Variants in FOXP1 observed in about 807,000 individuals in gnomAD.
The protein encoded by FOXP1 is forkhead box P1, also known as forkhead box protein P1.
FOXP1 carries 15 observed loss-of-function variants against 98.2 expected under a neutral mutation model. The observed-to-expected ratio is 0.15, with a 90% CI of 0.10 to 0.24. The LOEUF (loss-of-function observed/expected upper bound fraction) is 0.24. Among genes scored for constraint, FOXP1 ranks in the 10% least tolerant of loss-of-function variants. The probability of loss-of-function intolerance (pLI) is 1.00; values close to 1 mark genes in which losing one functional copy is unlikely to be tolerated. For synonymous variants in FOXP1, 371 were observed against 314.5 expected, an observed-to-expected ratio of 1.18 and a Z score of -1.90; for missense variants, 633 against 848.5, an observed-to-expected ratio of 0.75 and a Z score of 3.15.
At chr3:71,365,870 C>T (rs1379308944) in intron 3 of FOXP1, among the ~76,000 whole-genome samples, 4 of 152,146 alleles carry the variant, frequency 2.6e-5, no homozygotes, top group Non-Finnish European at 5.9e-5. Flanking sequence ...CTAGTCCCAG[C>T]TACTAGGGAG....
intron 7 of FOXP1, among the ~76,000 whole-genome samples, chr3:71,080,232 A>G (rs190279761): frequency 3.9e-5 from 6 of 152,348 alleles, no homozygotes; most frequent in African/African-American, 1.4e-4. Context: ...ACAGGTCATA[A>G]ATGTTCCTCA....
intron 4 of FOXP1, among the ~76,000 whole-genome samples, chr3:71,356,579 A>G (rs979770434): frequency 2.0e-5 from 3 of 152,340 alleles, no homozygotes; most frequent in Admixed American, 1.3e-4. Context: ...TAAGCTCTTT[A>G]CAAGCATCAC....
intron 5 of FOXP1, among the ~76,000 whole-genome samples, chr3:71,233,694 C>A (rs551318880): frequency 3.3e-5 from 5 of 151,720 alleles, no homozygotes; most frequent in East Asian, 1.9e-4. Flanking sequence ...TCGCACCCCC[C>A]CAGCTGGTGC....
intron 5 of FOXP1, among the ~76,000 whole-genome samples, chr3:71,247,185 T>A (rs2106990921): frequency 6.6e-6 from 1 of 152,326 alleles, no homozygotes; most frequent in Middle Eastern, 3.4e-3. Context: ...TTTCATTATG[T>A]ATTATTCCAC....
intron 7 of FOXP1, among the ~76,000 whole-genome samples, chr3:71,082,139 C>T (rs832222): frequency 6.6e-6 from 1 of 152,132 alleles, no homozygotes; most frequent in African/African-American, 2.4e-5. Flanking sequence ...ATGAGCTGGG[C>T]GTGGTGGCGC....
intron 1 of FOXP1, chr3:71,582,853 C>T (rs566760518): frequency 1.0e-6 from 1 of 960,372 alleles, no homozygotes; most frequent in Non-Finnish European, 1.2e-6. Flanking sequence ...CGCTGACTCT[C>T]GGGGTAACGC....
At chr3:71,373,085 C>T (rs1440660767) in intron 3 of FOXP1, among the ~76,000 whole-genome samples, 3 of 152,072 alleles carry the variant, frequency 2.0e-5, no homozygotes, top group Admixed American at 1.3e-4. Flanking sequence ...TGGACGACTC[C>T]GAAAAACCAC....
chr3:70,985,343 A>G (rs757086803), intron 14 of FOXP1, among the ~76,000 whole-genome samples: 2 of 152,194 alleles, frequency 1.3e-5, no homozygotes, highest in African/African-American at 2.4e-5. Context: ...CTGGGCCCTT[A>G]AAGTTGAAAG....
At chr3:71,186,765 G>T (rs1460101634) in intron 6 of FOXP1, among the ~76,000 whole-genome samples, 1 of 152,234 alleles carries the variant, frequency 6.6e-6, no homozygotes, top group South Asian at 2.1e-4. Context: ...ATATTTTTCA[G>T]AGAGAATTTA....
At chr3:71,399,658 T>C (rs1365937524) in intron 3 of FOXP1, among the ~76,000 whole-genome samples, 1 of 152,176 alleles carries the variant, frequency 6.6e-6, no homozygotes, top group Non-Finnish European at 1.5e-5. Flanking sequence ...AGATGGAGCA[T>C]GATGAAATTT....
At chr3:71,427,475 A>G (rs926655983) in intron 3 of FOXP1, among the ~76,000 whole-genome samples, 1 of 152,236 alleles carries the variant, frequency 6.6e-6, no homozygotes, top group African/African-American at 2.4e-5. Flanking sequence ...CAAGGAGATC[A>G]CAGAAGGCCC....
chr3:71,298,055 T>C (rs1047048730), intron 5 of FOXP1, among the ~76,000 whole-genome samples: 2 of 152,204 alleles, frequency 1.3e-5, no homozygotes, highest in African/African-American at 4.8e-5. Flanking sequence ...ATTACCACCT[T>C]GCTGAGTAGC....
intron 5 of FOXP1, among the ~76,000 whole-genome samples, chr3:71,282,603 C>T (rs2071687345): frequency 1.3e-5 from 2 of 150,428 alleles, no homozygotes; most frequent in African/African-American, 4.9e-5. Context: ...AGTTTAGTAT[C>T]TATTTTTGCA....
chr3:71,023,908 T>G (rs537044823), intron 11 of FOXP1, among the ~76,000 whole-genome samples: 1 of 152,354 alleles, frequency 6.6e-6, no homozygotes, highest in African/African-American at 2.4e-5. Flanking sequence ...TGAAACTTGA[T>G]CGCAACGACC....
intron 6 of FOXP1, among the ~76,000 whole-genome samples, chr3:71,189,846 T>C (rs1197946274): frequency 1.3e-5 from 2 of 152,154 alleles, no homozygotes; most frequent in Non-Finnish European, 2.9e-5. Flanking sequence ...TACCAGGTAA[T>C]GAGGAAGGTG....
Position 70,956,510 on chromosome 3 carries a change from C to T in FOXP1, c.*2737G>A, listed in dbSNP as rs1323088318. On this transcript the variant is annotated 3_prime_UTR_variant, in exon 21 of 21. Coordinates refer to ENST00000649528, the MANE Select transcript of FOXP1 (RefSeq NM_001349338.3). ...AAATGTTTTTTTTTTAAATTTTAAT[C>T]ATTCCCTAAAGGTTTGAACTGAGGT... is the stretch of plus-strand genomic sequence containing the variant. 1 of 209,576 alleles carries T rather than the reference C, an allele frequency of 4.8e-6. No individual in the cohort carries two copies. Among genetic ancestry groups the T allele is most frequent in the Admixed American group, 6.3e-5 (1 of 15,862 alleles). The allele number at this position is 209,576 out of a possible 1,614,324, so 13.0% of individuals were successfully genotyped here.
At chr3:71,409,402 GA>G (rs1259398435) in intron 3 of FOXP1, among the ~76,000 whole-genome samples, 2 of 152,120 alleles carry the variant, frequency 1.3e-5, no homozygotes, top group Non-Finnish European at 2.9e-5. Flanking sequence ...CCAGCACTGA[GA>G]TATTTACTGA....
At chr3:70,980,920 CTG>C (rs1350788863) in intron 14 of FOXP1, among the ~76,000 whole-genome samples, 4 of 152,182 alleles carry the variant, frequency 2.6e-5, no homozygotes, top group Non-Finnish European at 5.9e-5. Flanking sequence ...TCCCTAAACA[CTG>C]TGGCTTTCTG....
intron 7 of FOXP1, among the ~76,000 whole-genome samples, chr3:71,062,385 G>A (rs1231659123): frequency 6.6e-6 from 1 of 152,094 alleles, no homozygotes; most frequent in South Asian, 2.1e-4. Context: ...GAGTTAATCC[G>A]CGTTTCTATG....
Sources: gnomAD v4.1 joint callset for allele counts (sites outside exome capture counted in the v4.1 genomes callset) on GRCh38, gnomAD v4.1.1 for gene constraint, MANE v1.5 for transcripts, NCBI Gene and HGNC (gene_info 2026-07-23, HGNC 2026-07-21) for gene names.